The following SCN8A variants were observed in gnomAD, a reference collection of about 807,000 sequenced individuals.
SCN8A encodes sodium channel protein type 8 subunit alpha.
A neutral mutation model predicts 184.1 loss-of-function variants in SCN8A; 30 were observed. That is an observed-to-expected ratio of 0.16 (90% CI 0.12 to 0.22). SCN8A has a LOEUF of 0.22. SCN8A is among the 10% of genes least tolerant of loss of function. The pLI is 1.00. For missense variants in SCN8A, 1,057 were observed against 2,498.9 expected, an observed-to-expected ratio of 0.42 and a Z score of 12.30; for synonymous variants, 852 against 907.0, an observed-to-expected ratio of 0.94 and a Z score of 1.09.
At chr12:51,744,331 C>A (rs916283196) in intron 12 of SCN8A, among the ~76,000 whole-genome samples, 1 of 152,148 alleles carries the variant, frequency 6.6e-6, no homozygotes, top group African/African-American at 2.4e-5. Flanking sequence ...AGAGATTTGC[C>A]TGATGTTCTA....
In SCN8A at chr12:51,665,356, C is replaced by T. The variant is rs139140763; in HGVS notation, c.276+2263C>T. Reference sequence around the variant, plus strand: ...TTCTTCATGGTAGAAATTCTGACTTCAGCCTTCGGCTTCATCACAAGGGTA... The same window carrying T: ...TTCTTCATGGTAGAAATTCTGACTTTAGCCTTCGGCTTCATCACAAGGGTA... On this transcript the variant is annotated intron_variant, in intron 2 of 26. Coordinates refer to ENST00000627620, the MANE Select transcript of SCN8A (RefSeq NM_001330260.2). Among the ~76,000 whole-genome samples the T allele has an allele frequency of 3.0e-3, 453 of 152,344 alleles. 6 individuals carry two copies. Among genetic ancestry groups the T allele is most frequent in the African/African-American group, 0.01 (427 of 41,582 alleles).
chr12:51,685,678 A>G (rs894589908), intron 3 of SCN8A, among the ~76,000 whole-genome samples: 1 of 152,180 alleles, frequency 6.6e-6, no homozygotes, highest in Non-Finnish European at 1.5e-5. Flanking sequence ...CACATTGGAC[A>G]TATTCAACAC....
intron 14 of SCN8A, among the ~76,000 whole-genome samples, chr12:51,753,739 G>T (rs1344553166): frequency 6.6e-6 from 1 of 152,198 alleles, no homozygotes; most frequent in African/African-American, 2.4e-5. Context: ...TGGTTGGGAA[G>T]ATAAAATGAG....
chr12:51,690,441 T>G (rs1324029448), intron 6 of SCN8A, among the ~76,000 whole-genome samples: 2 of 152,060 alleles, frequency 1.3e-5, no homozygotes, highest in African/African-American at 4.8e-5. Context: ...CAGCCTTGAC[T>G]TCCAGGGCCC....
chr12:51,734,424 A>G (rs1236845993), intron 12 of SCN8A, among the ~76,000 whole-genome samples: 1 of 152,250 alleles, frequency 6.6e-6, no homozygotes, highest in Admixed American at 6.5e-5. Context: ...TTATGGGAAA[A>G]GAAGGGAAGG....
intron 12 of SCN8A, among the ~76,000 whole-genome samples, chr12:51,732,007 C>G (rs1006074344): frequency 6.6e-6 from 1 of 152,034 alleles, no homozygotes; most frequent in Admixed American, 6.6e-5. Context: ...ATATTTTCTC[C>G]TATTCTTTGG....
rs144320749 is a variant in SCN8A at position 51,678,410 on chromosome 12, GAATA to G, written c.277-5758_277-5755del. Among the ~76,000 whole-genome samples, 25 of 152,324 alleles carry G rather than the reference GAATA, an allele frequency of 1.6e-4. No individual in the cohort carries two copies. The East Asian group carries it at 4.6e-3, about 28-fold the overall frequency. On this transcript the variant is annotated intron_variant, in intron 2 of 26. Transcript: ENST00000627620. ...AGTTCTACAAGGATAAAATGTGAGA[GAATA>G]AATAATAATAGGCTTTCTCCTCAAA...
intron 26 of SCN8A, among the ~76,000 whole-genome samples, chr12:51,805,971 G>A (rs1311942349): frequency 6.6e-6 from 1 of 152,140 alleles, no homozygotes; most frequent in East Asian, 1.9e-4. Context: ...TGGAATTACA[G>A]ATGTGCACCA....
At chr12:51,595,041 G>A (rs1389743281) in intron 1 of SCN8A, among the ~76,000 whole-genome samples, 2 of 152,094 alleles carry the variant, frequency 1.3e-5, no homozygotes, top group Non-Finnish European at 2.9e-5. Flanking sequence ...TTTATATTTA[G>A]CACATTAACT....
At chr12:51,797,856 A>G (rs1018174922) in intron 26 of SCN8A, among the ~76,000 whole-genome samples, 7 of 152,148 alleles carry the variant, frequency 4.6e-5, no homozygotes, top group African/African-American at 1.7e-4. Flanking sequence ...TAATGGAATC[A>G]TTGTTGTGTC....
At chr12:51,731,246 C>CTT (rs998591664) in intron 12 of SCN8A, among the ~76,000 whole-genome samples, 1 of 146,764 alleles carries the variant, frequency 6.8e-6, no homozygotes. Context: ...TTTTCTTCTT[C>CTT]TTTTTTTTTT....
rs148846037 is a variant in SCN8A at position 51,802,176 on chromosome 12, G to A, written c.4796-4106G>A. On this transcript the variant is annotated intron_variant, in intron 26 of 26. Transcript: ENST00000627620. ...TAGTTACAGGTCTAGAAACAAACAG[G>A]GGTGTTGGGGGTGGGTTCAGAAGAG... Among the ~76,000 whole-genome samples, 55 of 152,292 alleles carry A rather than the reference G, an allele frequency of 3.6e-4. 1 individual carries two copies. The East Asian group carries it at 9.8e-3, about 27-fold the overall frequency.
intron 2 of SCN8A, among the ~76,000 whole-genome samples, chr12:51,675,484 A>T (rs866245002): frequency 3.9e-5 from 6 of 152,198 alleles, no homozygotes; most frequent in African/African-American, 1.4e-4. Context: ...TCCGTTTTGC[A>T]ACAGTTAAAG....
At chr12:51,613,777 G>A (rs181056360) in intron 1 of SCN8A, among the ~76,000 whole-genome samples, 87 of 152,160 alleles carry the variant, frequency 5.7e-4, no homozygotes, top group Non-Finnish European at 1.6e-4. Context: ...ATTTTGATAT[G>A]TTGATTTTTG....
rs140388326 is a variant in SCN8A, at chr12:51,756,667, T to G, written c.2370+5074T>G. On this transcript the variant is annotated intron_variant, in intron 14 of 26. Coordinates refer to ENST00000627620, the MANE Select transcript of SCN8A (RefSeq NM_001330260.2). ...GGATGCCTCTCCTTGGCCCACAGGC[T>G]CAGACAGCCCATGCCAGCCTGCTGC... 2.0e-5 allele frequency among the ~76,000 whole-genome samples: 3 copies of G among 152,282 alleles called. No individual in the cohort carries two copies. The East Asian group carries it at 5.8e-4, about 30-fold the overall frequency.
intron 20 of SCN8A, among the ~76,000 whole-genome samples, chr12:51,775,496 G>A (rs1937662063): frequency 6.6e-6 from 1 of 152,132 alleles, no homozygotes. Context: ...CCAGCCTTTG[G>A]GAAATGCCTA....
intron 19 of SCN8A, among the ~76,000 whole-genome samples, chr12:51,772,574 G>A (rs1942942157): frequency 6.6e-6 from 1 of 152,028 alleles, no homozygotes; most frequent in Non-Finnish European, 1.5e-5. Context: ...GGGGTTAAGG[G>A]GAAACCTGAC....
Position 51,806,521 on chromosome 12 carries a change from G to C in SCN8A, c.5035G>C (p.Glu1679Gln). 6.2e-7 allele frequency: 1 copy of C among 1,614,170 alleles called. No individual in the cohort carries two copies. Among genetic ancestry groups the C allele is most frequent in the Non-Finnish European group, 8.5e-7 (1 of 1,180,046 alleles). Residue 1679 changes from glutamate to glutamine, a missense_variant, in exon 27 of 27, where the codon GAG becomes CAG. Coordinates refer to ENST00000627620, the MANE Select transcript of SCN8A (RefSeq NM_001330260.2). The surrounding 1 kb of genome is among the most constrained non-coding windows in gnomAD (Gnocchi z 8.7). ...GMSNFAYVKH[E>Q]AGIDDMFNFE... ...GTCCAATTTTGCATATGTGAAGCAC[G>C]AGGCTGGTATCGATGACATGTTCAA...
chr12:51,713,590 G>A (rs533339297), intron 11 of SCN8A: 10 of 685,314 alleles, frequency 1.5e-5, no homozygotes, highest in East Asian at 7.6e-5. Flanking sequence ...GCGACCAGGC[G>A]GTGGTTTTAC....
Sources: gnomAD v4.1 joint callset for allele counts (sites outside exome capture counted in the v4.1 genomes callset) on GRCh38, gnomAD v4.1.1 for gene constraint, Gnocchi (gnomAD v3.1) non-coding constraint, MANE v1.5 for transcripts, NCBI Gene and HGNC (gene_info 2026-07-23, HGNC 2026-07-21) for gene names.